The following THADA variants were observed in gnomAD, a reference collection of about 807,000 sequenced individuals.
THADA encodes the protein THADA armadillo repeat containing.
THADA carries 213 observed loss-of-function variants against 219.8 expected under a neutral mutation model. That is an observed-to-expected ratio of 0.97 (90% CI 0.87 to 1.09). The LOEUF (loss-of-function observed/expected upper bound fraction) is 1.09. THADA is among the 50% of genes least tolerant of loss of function. The pLI is 0.00. For missense variants in THADA, 2,956 were observed against 2,311.3 expected (o/e 1.28, Z -5.72); for synonymous variants, 1,018 against 828.9 (o/e 1.23, Z -3.92).
At chr2:43,469,224 C>T (rs1377308998) in intron 26 of THADA, among the ~76,000 whole-genome samples, 3 of 151,938 alleles carry the variant, frequency 2.0e-5, no homozygotes, top group African/African-American at 7.3e-5. Context: ...AGGAAAAGCC[C>T]GACAAGTTCA....
chr2:43,323,256 C>G (rs1157657981), intron 30 of THADA, among the ~76,000 whole-genome samples: 1 of 152,130 alleles, frequency 6.6e-6, no homozygotes, highest in Non-Finnish European at 1.5e-5. Context: ...ATCCTCCCAC[C>G]TCAGCCTCCC....
chr2:43,293,031 C>T lies in THADA; in HGVS notation c.4621G>A (p.Val1541Ile). 1 of 1,613,974 alleles carries T rather than the reference C, an allele frequency of 6.2e-7. No homozygotes were observed. The highest frequency in any genetic ancestry group is 8.5e-7 in the Non-Finnish European group (1 of 1,179,896). The change falls in exon 32 of 38, where the codon GTC becomes ATC. Residue 1541 changes from valine to isoleucine, a missense_variant. Coordinates refer to ENST00000405975, the MANE Select transcript of THADA (RefSeq NM_022065.5). ...AAKSGERETN[V>I]PISFSQLLES... The stretch of plus-strand genomic sequence containing the variant: ...AACAGCTGAGAGAAAGAGATGGGGA[C>T]ATTCGTCTCCCGCTCTCCACTCTTG...
At chr2:43,379,792 A>G (rs979506268) in intron 29 of THADA, among the ~76,000 whole-genome samples, 3 of 152,270 alleles carry the variant, frequency 2.0e-5, no homozygotes, top group Non-Finnish European at 4.4e-5. Flanking sequence ...AACAATCAAG[A>G]TGTCCTTCAA....
chr2:43,504,717 A>C (rs1443918161), intron 24 of THADA, among the ~76,000 whole-genome samples: 1 of 151,990 alleles, frequency 6.6e-6, no homozygotes, highest in Non-Finnish European at 1.5e-5. Context: ...CTGGTCTCAA[A>C]CTCCTGACCT....
At chr2:43,410,615 G>A (rs541917663) in intron 28 of THADA, among the ~76,000 whole-genome samples, 5 of 152,200 alleles carry the variant, frequency 3.3e-5, no homozygotes, top group Non-Finnish European at 7.4e-5. Context: ...ATTATACTGA[G>A]TGAAAAAGCC....
intron 26 of THADA, among the ~76,000 whole-genome samples, chr2:43,447,503 G>C (rs1306298493): frequency 6.6e-6 from 1 of 152,142 alleles, no homozygotes; most frequent in African/African-American, 2.4e-5. Flanking sequence ...AGCATTTATA[G>C]ATTCTGGGAA....
At chr2:43,581,619 G>C (rs1700467414) in intron 8 of THADA, 122 bp downstream of exon 8, 1 of 816,180 alleles carries the variant, frequency 1.2e-6, no homozygotes. Context: ...GAGAGGCTGA[G>C]TAAGGACACA....
At chr2:43,508,522 T>C (rs1442721309) in intron 23 of THADA, 126 bp downstream of exon 23, 5 of 916,232 alleles carry the variant, frequency 5.5e-6, no homozygotes, top group Admixed American at 6.4e-5. Context: ...CCACAAATGC[T>C]ATGGTGCTGA....
intron 20 of THADA, among the ~76,000 whole-genome samples, chr2:43,545,714 G>A (rs1695936531): frequency 6.6e-6 from 1 of 151,682 alleles, no homozygotes; most frequent in South Asian, 2.1e-4. Flanking sequence ...GGGATCGGTG[G>A]TGATATCCCC....
In THADA at chr2:43,485,878, AG is replaced by A. The variant is rs751165757; in HGVS notation, c.3745-554del. On this transcript the variant is annotated intron_variant, in intron 25 of 37. Transcript: ENST00000405975. ...GACCCCCATCTCAAAAAAAAAAAAA[AG>A]TATTTTTTTAGAGATTTTTTTGTTT... 7.2e-5 allele frequency among the ~76,000 whole-genome samples: 11 copies of A among 151,946 alleles called. No individual in the cohort carries two copies. In the South Asian group the frequency reaches 2.3e-3, roughly 32 times the overall value.
At chr2:43,559,798 A>G (rs1160538627) in intron 16 of THADA, among the ~76,000 whole-genome samples, 1 of 152,252 alleles carries the variant, frequency 6.6e-6, no homozygotes, top group Non-Finnish European at 1.5e-5. Flanking sequence ...CAAAAACCAG[A>G]AACATCCTCT....
At chr2:43,305,319 C>T (rs1426494597) in intron 31 of THADA, among the ~76,000 whole-genome samples, 1 of 152,136 alleles carries the variant, frequency 6.6e-6, no homozygotes, top group East Asian at 1.9e-4. Context: ...AACTGTAATC[C>T]TGACCCCAGG....
intron 22 of THADA, among the ~76,000 whole-genome samples, chr2:43,516,793 T>C (rs1691782231): frequency 6.6e-6 from 1 of 152,136 alleles, no homozygotes; most frequent in Non-Finnish European, 1.5e-5. Flanking sequence ...CTCTAATATT[T>C]GTTTTAGTGA....
At chr2:43,418,297 C>T (rs753639453) in intron 28 of THADA, among the ~76,000 whole-genome samples, 6 of 152,122 alleles carry the variant, frequency 3.9e-5, no homozygotes, top group Non-Finnish European at 7.3e-5. Context: ...TGATAATCAA[C>T]GTAAGAAGCA....
At chr2:43,582,776 C>T (rs1272319390) in intron 7 of THADA, among the ~76,000 whole-genome samples, 1 of 151,844 alleles carries the variant, frequency 6.6e-6, no homozygotes, top group Non-Finnish European at 1.5e-5. Context: ...ACCATGTTGG[C>T]CAGGCTGGTC....
intron 36 of THADA, among the ~76,000 whole-genome samples, chr2:43,264,362 C>T (rs994305531): frequency 2.6e-5 from 4 of 151,630 alleles, no homozygotes; most frequent in African/African-American, 4.9e-5. Context: ...CTCAGTTCAC[C>T]GAAACCTCCG....
At chr2:43,366,301 C>T (rs950910923) in intron 29 of THADA, among the ~76,000 whole-genome samples, 2 of 152,108 alleles carry the variant, frequency 1.3e-5, no homozygotes, top group African/African-American at 2.4e-5. Context: ...GAACTGTACA[C>T]AGATGCATAG....
At chr2:43,450,853 C>T (rs897019449) in intron 26 of THADA, among the ~76,000 whole-genome samples, 3 of 152,118 alleles carry the variant, frequency 2.0e-5, no homozygotes, top group African/African-American at 4.8e-5. Context: ...TCACAAAAGA[C>T]AAACACTGTA....
intron 23 of THADA, among the ~76,000 whole-genome samples, chr2:43,506,277 A>C (rs1689654528): frequency 6.6e-6 from 1 of 152,228 alleles, no homozygotes; most frequent in Admixed American, 6.5e-5. Flanking sequence ...GAAATACTGC[A>C]AACACCAAAG....
Sources: allele counts gnomAD v4.1 joint callset (sites outside exome capture counted in the v4.1 genomes callset), GRCh38; gene constraint gnomAD v4.1.1; transcripts MANE v1.5; gene names NCBI Gene and HGNC (gene_info 2026-07-23, HGNC 2026-07-21).